Variants in GRIK1 observed in about 807,000 individuals in gnomAD.
GRIK1 encodes the protein glutamate ionotropic receptor kainate type subunit 1, also known as glutamate receptor ionotropic, kainate 1.
In GRIK1, 69 loss-of-function variants were observed where a neutral mutation model predicts 105.7. The observed-to-expected ratio is 0.65, with a 90% CI of 0.54 to 0.80. The LOEUF (loss-of-function observed/expected upper bound fraction) is 0.80, where lower values mean the gene tolerates loss of function less well. Among genes scored for constraint, GRIK1 ranks in the 30% least tolerant of loss-of-function variants. The pLI is 0.00. For missense variants in GRIK1, 1,109 were observed against 1,167.3 expected, an observed-to-expected ratio of 0.95 and a Z score of 0.73; for synonymous variants, 438 against 431.3, an observed-to-expected ratio of 1.02 and a Z score of -0.19.
At chr21:29,826,141 C>A (rs2067449149) in intron 1 of GRIK1, among the ~76,000 whole-genome samples, 1 of 152,082 alleles carries the variant, frequency 6.6e-6, no homozygotes, top group Non-Finnish European at 1.5e-5. Context: ...GGGTGACGAT[C>A]TGTATATTGG....
At chr21:29,873,357 T>A (rs545704281) in intron 1 of GRIK1, among the ~76,000 whole-genome samples, 3 of 152,174 alleles carry the variant, frequency 2.0e-5, no homozygotes, top group South Asian at 2.1e-4. Flanking sequence ...CATTTCTGTG[T>A]TTAAGAGTTC....
chr21:29,932,897 A>G (rs2071619102), intron 1 of GRIK1, among the ~76,000 whole-genome samples: 2 of 151,782 alleles, frequency 1.3e-5, no homozygotes, highest in South Asian at 4.1e-4. Flanking sequence ...ATTTAAAACA[A>G]TGTTAAAAAG....
chr21:29,852,482 T>C lies in GRIK1; in HGVS notation c.118+86901A>G, dbSNP rs1446331744. 4.6e-5 allele frequency among the ~76,000 whole-genome samples: 7 copies of C among 152,280 alleles called. No individual in the cohort carries two copies. In the East Asian group the frequency reaches 1.4e-3, roughly 29 times the overall value. On this transcript the variant is annotated intron_variant, in intron 1 of 17. Transcript: ENST00000327783. ...TAAACTTCAATGGCCCCTTATCAGT[T>C]CCACTTCCTACCTCCATTCTCTGTA...
chr21:29,775,133 C>A (rs938526676), intron 1 of GRIK1, among the ~76,000 whole-genome samples: 9 of 151,942 alleles, frequency 5.9e-5, no homozygotes, highest in Non-Finnish European at 1.3e-4. Flanking sequence ...CCTGACCAAC[C>A]TGGCGAAACC....
chr21:29,572,995 A>G (rs2090790188), intron 14 of GRIK1, among the ~76,000 whole-genome samples: 1 of 151,038 alleles, frequency 6.6e-6, no homozygotes, highest in African/African-American at 2.4e-5. Flanking sequence ...CTGGTCTTGA[A>G]CTCCTGACCT....
chr21:29,745,425 T>A (rs550314043), intron 1 of GRIK1, among the ~76,000 whole-genome samples: 20 of 152,174 alleles, frequency 1.3e-4, no homozygotes, highest in Non-Finnish European at 2.4e-4. Flanking sequence ...AGATAATAAA[T>A]TTGTGTTGTA....
At chr21:29,705,624 T>G (rs554223575) in intron 1 of GRIK1, among the ~76,000 whole-genome samples, 1 of 152,334 alleles carries the variant, frequency 6.6e-6, no homozygotes, top group South Asian at 2.1e-4. Context: ...AGGTTCTTGA[T>G]CAGAAATAAA....
At chr21:29,922,167 C>T (rs969540169) in intron 1 of GRIK1, among the ~76,000 whole-genome samples, 1 of 151,990 alleles carries the variant, frequency 6.6e-6, no homozygotes, top group Non-Finnish European at 1.5e-5. Context: ...ATTTCTACAT[C>T]AATAAAATGG....
chr21:29,888,188 T>TTCCTTC (rs2069723155), intron 1 of GRIK1, among the ~76,000 whole-genome samples: 1 of 14,228 alleles, frequency 7.0e-5, no homozygotes, highest in African/African-American at 1.2e-4. Context: ...TTTCTTCCTT[T>TTCCTTC]CTTTCTTTCT....
chr21:29,876,819 C>T (rs867842919), intron 1 of GRIK1, among the ~76,000 whole-genome samples: 11 of 152,088 alleles, frequency 7.2e-5, no homozygotes, highest in Admixed American at 4.6e-4. Context: ...TTAGGCAATT[C>T]GTTTGGCTTT....
rs1266380987 is a variant in GRIK1 at position 29,759,165 on chromosome 21, C to T, written c.119-65102G>A. Among the ~76,000 whole-genome samples, 5 of 151,200 alleles carry T rather than the reference C, an allele frequency of 3.3e-5. No individual in the cohort carries two copies. The East Asian group carries it at 5.8e-4, about 18-fold the overall frequency. On this transcript the variant is annotated intron_variant, in intron 1 of 17. Coordinates refer to ENST00000327783, the MANE Select transcript of GRIK1 (RefSeq NM_001330994.2). The stretch of plus-strand genomic sequence containing the variant: ...ATTGAGTCTCACTCTGCCCCCAGAC[C>T]AGAGTGCAGTGACACAATCTTGGCT...
intron 8 of GRIK1, chr21:29,596,877 G>C: frequency 5.6e-6 from 2 of 357,024 alleles, no homozygotes; most frequent in South Asian, 2.8e-5. Context: ...GGTCTTCATT[G>C]TTCCTTAAGA....
intron 14 of GRIK1, among the ~76,000 whole-genome samples, chr21:29,562,532 G>C (rs1439609353): frequency 6.6e-6 from 1 of 152,084 alleles, no homozygotes; most frequent in Non-Finnish European, 1.5e-5. Flanking sequence ...GCATGTGCCT[G>C]TAATCCCAGC....
chr21:29,602,366 C>T lies in GRIK1; in HGVS notation c.1099-3429G>A, dbSNP rs7283086. Among the ~76,000 whole-genome samples, 834 of 152,290 alleles carry T rather than the reference C, an allele frequency of 5.5e-3. 9 individuals are homozygous for T. Among genetic ancestry groups the T allele is most frequent in the African/African-American group, 0.019 (804 of 41,556 alleles). On this transcript the variant is annotated intron_variant, in intron 7 of 17. Transcript: ENST00000327783. ...AGAATTTGGTTCAATTATGTTTTCACTATTAATTCATTTGGAAAATATCCA... is the reference window on the plus strand; with the variant it reads ...AGAATTTGGTTCAATTATGTTTTCATTATTAATTCATTTGGAAAATATCCA...
chr21:29,682,473 A>AT (rs538368781), intron 3 of GRIK1, among the ~76,000 whole-genome samples: 9 of 151,848 alleles, frequency 5.9e-5, no homozygotes, highest in African/African-American at 9.7e-5. Flanking sequence ...TTTTGCTTAC[A>AT]TTTTTTTTGG....
intron 1 of GRIK1, among the ~76,000 whole-genome samples, chr21:29,775,226 A>G (rs565429500): frequency 1.4e-5 from 2 of 146,104 alleles, no homozygotes; most frequent in African/African-American, 5.1e-5. Flanking sequence ...CAGTGAGCAG[A>G]GATTGCGCCA....
At chr21:29,854,512 A>G (rs550154593) in intron 1 of GRIK1, among the ~76,000 whole-genome samples, 4 of 152,124 alleles carry the variant, frequency 2.6e-5, no homozygotes. Context: ...ATAATGAGAA[A>G]AAAAAACAAG....
In GRIK1 at chr21:29,567,314, A is replaced by G. The variant is rs189376013; in HGVS notation, c.2131-5465T>C. On this transcript the variant is annotated intron_variant, in intron 14 of 17. Transcript: ENST00000327783. ...ACTCCATTTTATAAAATATCCCTCT[A>G]ATGTTTCTTTTTTATTGAGATAACT... Among the ~76,000 whole-genome samples, 175 of 152,168 alleles carry G rather than the reference A, an allele frequency of 1.2e-3. 1 individual carries two copies. The highest frequency in any genetic ancestry group is 4.1e-3 in the African/African-American group (169 of 41,538).
At chr21:29,746,966 A>G (rs925980617) in intron 1 of GRIK1, among the ~76,000 whole-genome samples, 3 of 152,162 alleles carry the variant, frequency 2.0e-5, no homozygotes, top group Admixed American at 1.3e-4. Context: ...TTAAAGGTCT[A>G]TTTTTCATCG....
Sources: gnomAD v4.1 joint callset for allele counts (sites outside exome capture counted in the v4.1 genomes callset) on GRCh38, gnomAD v4.1.1 for gene constraint, MANE v1.5 for transcripts, NCBI Gene and HGNC (gene_info 2026-07-23, HGNC 2026-07-21) for gene names.